PLPPR1: variants seen among roughly 807,000 people sequenced by gnomAD.
PLPPR1 encodes phospholipid phosphatase-related protein type 1.
A neutral mutation model predicts 33.1 loss-of-function variants in PLPPR1; 10 were observed. The ratio of observed to expected loss-of-function variants is 0.30; its 90% CI spans 0.19 to 0.51. The LOEUF (loss-of-function observed/expected upper bound fraction) is 0.51, where lower values mean the gene tolerates loss of function less well. Among genes scored for constraint, PLPPR1 ranks in the 20% least tolerant of loss-of-function variants. PLPPR1 has a pLI of 0.97. For synonymous variants in PLPPR1, 151 were observed against 151.0 expected, an observed-to-expected ratio of 1.00 and a Z score of 0.00; for missense variants, 304 against 408.1, an observed-to-expected ratio of 0.74 and a Z score of 2.20.
intron 2 of PLPPR1, among the ~76,000 whole-genome samples, chr9:101,228,757 A>G (rs1827124010): frequency 6.6e-6 from 1 of 152,106 alleles, no homozygotes; most frequent in African/African-American, 2.4e-5. Flanking sequence ...GTCATAATCT[A>G]AAACAGTTAA....
intron 1 of PLPPR1, among the ~76,000 whole-genome samples, chr9:101,115,020 A>G (rs1831102302): frequency 1.3e-5 from 2 of 152,190 alleles, no homozygotes; most frequent in African/African-American, 4.8e-5. Flanking sequence ...TGAGCCCTGC[A>G]GTTGCTGGAG....
intron 1 of PLPPR1, among the ~76,000 whole-genome samples, chr9:101,162,630 G>A (rs980009223): frequency 6.6e-6 from 1 of 152,112 alleles, no homozygotes; most frequent in African/African-American, 2.4e-5. Flanking sequence ...GAGTTTTTGT[G>A]TTATTAAGTT....
intron 2 of PLPPR1, among the ~76,000 whole-genome samples, chr9:101,248,019 T>C (rs896220446): frequency 6.6e-6 from 1 of 152,042 alleles, no homozygotes; most frequent in Admixed American, 6.6e-5. Context: ...TGAGCTCATA[T>C]AGCAATACTA....
chr9:101,179,552 T>C (rs541150576), intron 1 of PLPPR1, among the ~76,000 whole-genome samples: 3 of 152,306 alleles, frequency 2.0e-5, no homozygotes, highest in Admixed American at 2.0e-4. Context: ...TTAAGTATTG[T>C]TAACTTTATG....
chr9:101,168,563 T>G (rs1825894458), intron 1 of PLPPR1, among the ~76,000 whole-genome samples: 1 of 152,180 alleles, frequency 6.6e-6, no homozygotes, highest in South Asian at 2.1e-4. Flanking sequence ...ATTCTGCATT[T>G]CCATCTGCAT....
At chr9:101,152,779 C>T (rs1380343782) in intron 1 of PLPPR1, among the ~76,000 whole-genome samples, 1 of 152,102 alleles carries the variant, frequency 6.6e-6, no homozygotes, top group Admixed American at 6.5e-5. Flanking sequence ...GGTACCAGTA[C>T]CATGCTGTTT....
intron 1 of PLPPR1, among the ~76,000 whole-genome samples, chr9:101,051,090 G>A (rs1024052577): frequency 5.9e-5 from 9 of 151,792 alleles, no homozygotes; most frequent in Admixed American, 2.0e-4. Context: ...TCACTCTATC[G>A]TCCCTTAAAT....
intron 1 of PLPPR1, among the ~76,000 whole-genome samples, chr9:101,134,950 C>A (rs1474999176): frequency 6.6e-6 from 1 of 152,046 alleles, no homozygotes; most frequent in Non-Finnish European, 1.5e-5. Flanking sequence ...GAGAGTCGAG[C>A]TTATGGCTCA....
intron 3 of PLPPR1, among the ~76,000 whole-genome samples, chr9:101,281,212 A>G (rs539175803): frequency 2.0e-5 from 3 of 152,084 alleles, no homozygotes; most frequent in Non-Finnish European, 4.4e-5. Flanking sequence ...ACTTAATCAA[A>G]TAAGTGAAAG....
chr9:101,046,467 T>A (rs1248441881), intron 1 of PLPPR1, among the ~76,000 whole-genome samples: 1 of 137,844 alleles, frequency 7.3e-6, no homozygotes, highest in Non-Finnish European at 1.5e-5. Context: ...TGAGACAGAG[T>A]CTCGCCATGT....
At chr9:101,094,996 A>C (rs1830797640) in intron 1 of PLPPR1, among the ~76,000 whole-genome samples, 1 of 152,196 alleles carries the variant, frequency 6.6e-6, no homozygotes, top group Non-Finnish European at 1.5e-5. Flanking sequence ...CACAAGCTCC[A>C]GGCTGTGTTG....
At chr9:101,265,025 T>C (rs1827962343) in intron 2 of PLPPR1, among the ~76,000 whole-genome samples, 1 of 152,206 alleles carries the variant, frequency 6.6e-6, no homozygotes, top group Non-Finnish European at 1.5e-5. Flanking sequence ...TCAGGACATA[T>C]AAATTATTGG....
At chr9:101,136,236 T>C (rs1412289927) in intron 1 of PLPPR1, among the ~76,000 whole-genome samples, 1 of 152,232 alleles carries the variant, frequency 6.6e-6, no homozygotes, top group East Asian at 1.9e-4. Context: ...CCCTCTAGAA[T>C]CTGATATACT....
intron 1 of PLPPR1, among the ~76,000 whole-genome samples, chr9:101,074,144 A>G (rs1830511015): frequency 1.3e-5 from 2 of 152,164 alleles, no homozygotes; most frequent in South Asian, 4.1e-4. Context: ...ATGCATCAGG[A>G]AAAGTGAACA....
chr9:101,307,511 G>A (rs567054877), intron 4 of PLPPR1, among the ~76,000 whole-genome samples: 9 of 152,096 alleles, frequency 5.9e-5, no homozygotes, highest in African/African-American at 1.2e-4. Context: ...AAACTGCCTC[G>A]GATGATCAAT....
chr9:101,081,075 C>G (rs1249854188), intron 1 of PLPPR1, among the ~76,000 whole-genome samples: 1 of 152,102 alleles, frequency 6.6e-6, no homozygotes, highest in Non-Finnish European at 1.5e-5. Context: ...TGTCACCCAT[C>G]CTTCCATTCT....
chr9:101,307,866 G>A (rs1828883141), intron 4 of PLPPR1, among the ~76,000 whole-genome samples: 1 of 152,090 alleles, frequency 6.6e-6, no homozygotes, highest in African/African-American at 2.4e-5. Context: ...ACCTTCAATT[G>A]CATATAATAC....
At chr9:101,161,830 A>G (rs983690873) in intron 1 of PLPPR1, among the ~76,000 whole-genome samples, 1 of 152,118 alleles carries the variant, frequency 6.6e-6, no homozygotes, top group Non-Finnish European at 1.5e-5. Context: ...GATTCATGGG[A>G]TATGTTTTTA....
intron 2 of PLPPR1, among the ~76,000 whole-genome samples, chr9:101,190,852 A>C (rs1478788579): frequency 2.0e-5 from 3 of 152,200 alleles, no homozygotes; most frequent in Non-Finnish European, 2.9e-5. Context: ...CTACAGGGAA[A>C]AGCTGAAAGG....
Sources: gnomAD v4.1 joint callset for allele counts (sites outside exome capture counted in the v4.1 genomes callset) on GRCh38, gnomAD v4.1.1 for gene constraint, MANE v1.5 for transcripts, NCBI Gene and HGNC (gene_info 2026-07-23, HGNC 2026-07-21) for gene names.